The following COL17A1 variants were observed in gnomAD, a reference collection of about 807,000 sequenced individuals.
The protein encoded by COL17A1 is collagen type XVII alpha 1 chain, also known as collagen alpha-1(XVII) chain.
Under a neutral mutation model 218.4 loss-of-function variants are expected in COL17A1, and 181 were observed. The observed-to-expected ratio is 0.83, with a 90% confidence interval of 0.73 to 0.94. The LOEUF (loss-of-function observed/expected upper bound fraction) is 0.94, where lower values mean the gene tolerates loss of function less well. Ranked by LOEUF, COL17A1 falls within the 40% of genes least tolerant of loss-of-function variation. COL17A1 has a pLI of 0.00. For missense variants in COL17A1, 1,924 were observed against 1,945.9 expected (o/e 0.99, Z 0.21); for synonymous variants, 721 against 731.0 (o/e 0.99, Z 0.22).
Position 104,058,177 on chromosome 10 carries a change from A to G in COL17A1, c.1236T>C (p.Thr412=), listed in dbSNP as rs758786107. 14 of 1,614,224 alleles carry G rather than the reference A, an allele frequency of 8.7e-6. No individual in the cohort carries two copies. Among genetic ancestry groups the G allele is most frequent in the Non-Finnish European group, 1.1e-5 (13 of 1,180,038 alleles). Residue 412 remains threonine, a synonymous_variant, in exon 16 of 56, where the codon ACT becomes ACC. Coordinates refer to ENST00000648076, the MANE Select transcript of COL17A1 (RefSeq NM_000494.4). The part of the protein sequence containing the change: ...LKAEANGDLK[T]VSTKGKTTTA... Reference sequence around the variant, plus strand: ...TGGTGGTCTTGCCCTTTGTGGACACAGTCTTCAGGTCTCCTGAAAGGACAA... The same window carrying G: ...TGGTGGTCTTGCCCTTTGTGGACACGGTCTTCAGGTCTCCTGAAAGGACAA...
chr10:104,033,910 C>G, intron 52 of COL17A1, 35 bp downstream of exon 52: 1 of 1,613,298 alleles, frequency 6.2e-7, no homozygotes, highest in Non-Finnish European at 8.5e-7. Flanking sequence ...CACGCTCCTT[C>G]CCCCCAGCAC....
At position 104,048,105 on chromosome 10, in the gene COL17A1, C is replaced by T. The variant is rs1339052487; in HGVS notation, c.2228-1G>A. 1.9e-6 allele frequency: 3 copies of T among 1,613,962 alleles called. No individual in the cohort carries two copies. The highest frequency in any genetic ancestry group is 1.7e-6 in the Non-Finnish European group (2 of 1,179,950). On this transcript the variant is annotated splice_acceptor_variant, in intron 29 of 55. Transcript: ENST00000648076. LOFTEE classifies it high-confidence loss of function. ...TGGTGTCCGTCTGGGCCAGCAGGAC[C>T]TGGTAAAGTAGAAGCAAGGTCTCTC...
At chr10:104,065,723 A>G (rs2086620771) in intron 9 of COL17A1, among the ~76,000 whole-genome samples, 2 of 152,224 alleles carry the variant, frequency 1.3e-5, no homozygotes, top group African/African-American at 4.8e-5. Context: ...GGAATGGGTG[A>G]CCAGCCAGGG....
Position 104,043,600 on chromosome 10 carries a change from T to A in COL17A1, c.2435-19A>T. 1 of 1,613,462 alleles carries A rather than the reference T, an allele frequency of 6.2e-7. No homozygotes were observed. Among genetic ancestry groups the A allele is most frequent in the Non-Finnish European group, 8.5e-7 (1 of 1,179,642 alleles). On this transcript the variant is annotated intron_variant, in intron 34 of 55. Coordinates refer to ENST00000648076, the MANE Select transcript of COL17A1 (RefSeq NM_000494.4). ...GACCCCTCTGAAAACAGAAGGCACA[T>A]GGAACATTGAGCCCTACTTTTCTCA...
chr10:104,073,153 A>C, intron 7 of COL17A1, 57 bp downstream of exon 7: 1 of 1,526,326 alleles, frequency 6.6e-7, no homozygotes, highest in East Asian at 2.3e-5. Flanking sequence ...GACACACATT[A>C]ACTTCTCAGA....
At chr10:104,058,046 T>A (rs1291870940) in intron 16 of COL17A1, 100 bp downstream of exon 16, 1 of 1,544,532 alleles carries the variant, frequency 6.5e-7, no homozygotes, top group Non-Finnish European at 8.9e-7. Flanking sequence ...GTGGCTTCTG[T>A]GCACTGCACT....
At chr10:104,035,435 C>T (rs1435559845) in intron 49 of COL17A1, 39 bp downstream of exon 49, 1 of 1,613,600 alleles carries the variant, frequency 6.2e-7, no homozygotes, top group Non-Finnish European at 8.5e-7. Context: ...TCTGCTTCCT[C>T]CCCAACCAGT....
chr10:104,048,166 C>G, intron 29 of COL17A1, 62 bp from the exon 30 acceptor site: 1 of 1,577,684 alleles, frequency 6.3e-7, no homozygotes, highest in East Asian at 2.2e-5. Context: ...ATTCCTCCCT[C>G]TACTGTCCCA....
chr10:104,040,687 C>T (rs2086351121), intron 39 of COL17A1, among the ~76,000 whole-genome samples: 1 of 152,112 alleles, frequency 6.6e-6, no homozygotes, highest in Non-Finnish European at 1.5e-5. Context: ...GGAACAGGTT[C>T]TGGCCTAATG....
At chr10:104,034,870 A>G in intron 50 of COL17A1, 103 bp from the exon 51 acceptor site, 13 of 1,459,766 alleles carry the variant, frequency 8.9e-6, no homozygotes, top group Non-Finnish European at 1.2e-5. Context: ...AAAGGAGGGG[A>G]TGAGGCTGGG....
At chr10:104,059,573 A>G (rs748615115) in intron 15 of COL17A1, 65 bp downstream of exon 15, 3 of 1,466,718 alleles carry the variant, frequency 2.0e-6, no homozygotes, top group Non-Finnish European at 2.9e-6. Flanking sequence ...AAGGTCTCCG[A>G]AGACAATGAA....
At chr10:104,070,620 G>C in intron 8 of COL17A1, 51 bp from the exon 9 acceptor site, 2 of 1,613,762 alleles carry the variant, frequency 1.2e-6, no homozygotes, top group Non-Finnish European at 1.7e-6. Flanking sequence ...TCTTTCCTGA[G>C]TCCCTGTGCA....
Position 104,040,137 on chromosome 10 carries a change from C to G in COL17A1, c.2762-138G>C, listed in dbSNP as rs2086343793. ...GGGGTTCCTTGTGCCTCTCCTCTCA[C>G]TAGGCCAATGTTGGGTGGCTATCCT... On this transcript the variant is annotated intron_variant, in intron 40 of 55. Coordinates refer to ENST00000648076, the MANE Select transcript of COL17A1 (RefSeq NM_000494.4). The G allele has an allele frequency of 3.7e-6, 4 of 1,073,876 alleles. No homozygotes were observed. In the South Asian group the frequency reaches 5.1e-5, roughly 14 times the overall value. The allele number at this position is 1,073,876 out of a possible 1,614,324, so 66.5% of individuals were successfully genotyped here. A position where few individuals can be genotyped will look rare whatever the true frequency, so the allele number is the denominator to read the frequency against.
At chr10:104,082,792 T>C (rs1235939910) in intron 1 of COL17A1, among the ~76,000 whole-genome samples, 1 of 152,216 alleles carries the variant, frequency 6.6e-6, no homozygotes, top group Non-Finnish European at 1.5e-5. Flanking sequence ...ATAGCAGGCA[T>C]TTCTAGGCCC....
chr10:104,048,039 G>A, intron 30 of COL17A1, 30 bp downstream of exon 30: 2 of 1,614,074 alleles, frequency 1.2e-6, no homozygotes, highest in Non-Finnish European at 1.7e-6. Context: ...TGACGGGAGT[G>A]AGGCTGGGGG....
Position 104,035,358 on chromosome 10 carries a change from C to A in COL17A1, c.3524G>T (p.Gly1175Val). The A allele has an allele frequency of 6.2e-7, 1 of 1,613,852 alleles. No homozygotes were observed. The change falls in exon 50 of 56, where the codon GGC becomes GTC. Residue 1175 changes from glycine to valine, a missense_variant. Coordinates refer to ENST00000648076, the MANE Select transcript of COL17A1 (RefSeq NM_000494.4). ...CGGGGGACCTGGGGGTCCAACGATG[C>A]CTCTGAATTCAGACCCTGAGACACC... ...LSLLRGSEFRGIVGPPGPPGP... is the reference protein window; with the variant it reads ...LSLLRGSEFRVIVGPPGPPGP...
intron 53 of COL17A1, 114 bp from the exon 54 acceptor site, chr10:104,033,082 G>C: frequency 6.6e-7 from 1 of 1,518,870 alleles, no homozygotes; most frequent in Admixed American, 2.0e-5. Flanking sequence ...GGACGTGTAA[G>C]AGGAAACAAA....
At chr10:104,070,326 C>T (rs1157727403) in intron 9 of COL17A1, 100 bp downstream of exon 9, 2 of 1,569,464 alleles carry the variant, frequency 1.3e-6, no homozygotes, top group East Asian at 2.4e-5. Context: ...AATTTCAAGT[C>T]TCACTTTCAC....
intron 23 of COL17A1, 69 bp from the exon 24 acceptor site, chr10:104,052,286 G>C: frequency 1.3e-6 from 2 of 1,596,436 alleles, no homozygotes; most frequent in Non-Finnish European, 8.6e-7. Flanking sequence ...TCCTGGCACT[G>C]TCATTTGGAG....
Sources: allele counts gnomAD v4.1 joint callset (sites outside exome capture counted in the v4.1 genomes callset), GRCh38; gene constraint gnomAD v4.1.1; transcripts MANE v1.5; gene names NCBI Gene and HGNC (gene_info 2026-07-23, HGNC 2026-07-21).